CDS2: variants seen among roughly 807,000 people sequenced by gnomAD.
The protein encoded by CDS2 is phosphatidate cytidylyltransferase 2.
In CDS2, 47 loss-of-function variants were observed where a neutral mutation model predicts 59.0. The observed-to-expected ratio is 0.80, with a 90% CI of 0.63 to 1.02. CDS2 has a LOEUF of 1.02. CDS2 is among the 50% of genes least tolerant of loss of function. The pLI, the probability that CDS2 is intolerant of heterozygous loss-of-function variation, is 0.00. For synonymous variants in CDS2, 207 were observed against 206.4 expected (o/e 1.00, Z -0.02); for missense variants, 356 against 558.9 (o/e 0.64, Z 3.66).
intron 1 of CDS2, among the ~76,000 whole-genome samples, chr20:5,162,109 G>C (rs575376634): frequency 1.3e-5 from 2 of 152,298 alleles, no homozygotes; most frequent in African/African-American, 4.8e-5. Flanking sequence ...CCATGAAATA[G>C]TTTATGGATT....
At chr20:5,157,813 G>A (rs1400129441) in intron 1 of CDS2, among the ~76,000 whole-genome samples, 3 of 152,196 alleles carry the variant, frequency 2.0e-5, no homozygotes, top group South Asian at 2.1e-4. Flanking sequence ...CATTGAGATG[G>A]GGGTTAGGAT....
intron 1 of CDS2, among the ~76,000 whole-genome samples, chr20:5,139,635 T>G (rs1296946243): frequency 6.6e-6 from 1 of 152,206 alleles, no homozygotes; most frequent in Non-Finnish European, 1.5e-5. Flanking sequence ...TGTCTTCTAG[T>G]GCTTAGAGGA....
At chr20:5,175,658 C>T (rs567572777) in intron 3 of CDS2, 257 of 180,260 alleles carry the variant, frequency 1.4e-3, no homozygotes, top group South Asian at 2.9e-3. Flanking sequence ...TGGTGGCACG[C>T]GCCTGTAATC....
At position 5,189,771 on chromosome 20, in the gene CDS2, A is replaced by G. The variant is rs2091098668; in HGVS notation, c.1138A>G (p.Met380Val). The change falls in exon 12 of 13, where the codon ATG (methionine) becomes GTG (valine). Residue 380 changes from methionine to valine, a missense_variant. By Grantham distance (21) the Met-to-Val change is conservative. This residue lies in a region of CDS2 where 41 missense variants were observed against 104.4 expected (regional missense o/e 0.39). Coordinates refer to ENST00000460006, the MANE Select transcript of CDS2 (RefSeq NM_003818.4). Reference sequence around the variant, plus strand: ...TACCATTCCTGGCCATGGAGGCATCATGGATCGCTTTGACTGCCAGTATCT... The same window carrying G: ...TACCATTCCTGGCCATGGAGGCATCGTGGATCGCTTTGACTGCCAGTATCT... The part of the protein sequence containing the change: ...ANTIPGHGGI[M>V]DRFDCQYLMA... The G allele has an allele frequency of 1.9e-6, 3 of 1,614,034 alleles. No homozygotes were observed. The highest frequency in any genetic ancestry group is 1.3e-5 in the African/African-American group (1 of 74,922).
intron 1 of CDS2, among the ~76,000 whole-genome samples, chr20:5,165,737 CT>C (rs1301318990): frequency 1.3e-5 from 2 of 152,024 alleles, no homozygotes; most frequent in African/African-American, 4.8e-5. Flanking sequence ...ACAGGGGCCG[CT>C]GGGACACACA....
chr20:5,180,781 A>C (rs1348367073), intron 5 of CDS2, among the ~76,000 whole-genome samples: 2 of 152,062 alleles, frequency 1.3e-5, no homozygotes, highest in Non-Finnish European at 2.9e-5. Context: ...CATTTCCCCC[A>C]TCACTTTTAT....
intron 1 of CDS2, among the ~76,000 whole-genome samples, chr20:5,143,841 T>C (rs904716357): frequency 1.3e-5 from 2 of 151,380 alleles, no homozygotes; most frequent in South Asian, 4.2e-4. Context: ...CTTGGCTTAC[T>C]ACAACCTCTG....
chr20:5,132,523 G>C (rs1388682791), intron 1 of CDS2, among the ~76,000 whole-genome samples: 1 of 152,028 alleles, frequency 6.6e-6, no homozygotes, highest in East Asian at 1.9e-4. Flanking sequence ...GTTTTCAATA[G>C]ACTTTGAGAT....
intron 1 of CDS2, among the ~76,000 whole-genome samples, chr20:5,169,788 A>G (rs1054950166): frequency 1.3e-5 from 2 of 152,226 alleles, no homozygotes; most frequent in Non-Finnish European, 2.9e-5. Context: ...TTTAATGGGT[A>G]GCTTTTGTGT....
At chr20:5,170,915 C>CAG (rs1410299447) in intron 1 of CDS2, among the ~76,000 whole-genome samples, 2 of 152,238 alleles carry the variant, frequency 1.3e-5, no homozygotes, top group African/African-American at 4.8e-5. Context: ...AAACTACCAT[C>CAG]AGAGAGTACT....
chr20:5,136,544 T>C (rs970008528), intron 1 of CDS2, among the ~76,000 whole-genome samples: 2 of 152,222 alleles, frequency 1.3e-5, no homozygotes, highest in Admixed American at 6.5e-5. Flanking sequence ...TATCTGTCTT[T>C]TACTCTTTGA....
chr20:5,157,599 G>T (rs1286108322), intron 1 of CDS2, among the ~76,000 whole-genome samples: 1 of 152,174 alleles, frequency 6.6e-6, no homozygotes, highest in Non-Finnish European at 1.5e-5. Context: ...TTGTTTTGGG[G>T]TCTGGGAAGT....
chr20:5,131,470 A>AT (rs1308642876), intron 1 of CDS2, among the ~76,000 whole-genome samples: 2 of 152,230 alleles, frequency 1.3e-5, no homozygotes, highest in Non-Finnish European at 2.9e-5. Context: ...GGTCTGAAAG[A>AT]TTGGCATCTT....
chr20:5,144,964 C>T (rs2090727736), intron 1 of CDS2, among the ~76,000 whole-genome samples: 1 of 152,138 alleles, frequency 6.6e-6, no homozygotes, highest in South Asian at 2.1e-4. Context: ...GCCCAGTAGT[C>T]TCCTTCTTAG....
At chr20:5,135,452 G>A (rs1568527033) in intron 1 of CDS2, among the ~76,000 whole-genome samples, 2 of 149,642 alleles carry the variant, frequency 1.3e-5, no homozygotes, top group Admixed American at 6.6e-5. Context: ...ACAGCTGTTT[G>A]TGTGTCATAC....
At chr20:5,129,169 A>G (rs73602878) in intron 1 of CDS2, among the ~76,000 whole-genome samples, 70 of 152,326 alleles carry the variant, frequency 4.6e-4, no homozygotes, top group African/African-American at 1.6e-3. Flanking sequence ...GACAGCTGCT[A>G]TGCACTCTGT....
At chr20:5,157,259 G>A (rs1292197) in intron 1 of CDS2, among the ~76,000 whole-genome samples, 114,808 of 152,092 alleles carry the variant, frequency 0.75, 44,575 homozygotes, top group African/African-American at 0.94. Context: ...AGCCAGACTC[G>A]GGAAGTTTGG....
intron 9 of CDS2, 30 bp from the exon 10 acceptor site, chr20:5,186,657 C>A (rs375448008): frequency 1.2e-6 from 2 of 1,611,408 alleles, no homozygotes; most frequent in Non-Finnish European, 1.7e-6. Context: ...AACTTACTTC[C>A]TTGCCGGTCT....
At chr20:5,166,830 T>C (rs553089455) in intron 1 of CDS2, among the ~76,000 whole-genome samples, 14 of 152,216 alleles carry the variant, frequency 9.2e-5, no homozygotes, top group Middle Eastern at 3.4e-3. Context: ...AGTTGGGTTG[T>C]TGTGGTTTGA....
Sources: gnomAD v4.1 joint callset for allele counts (sites outside exome capture counted in the v4.1 genomes callset) on GRCh38, gnomAD v4.1.1 for gene constraint, gnomAD v4.1.1 regional missense constraint, MANE v1.5 for transcripts, NCBI Gene and HGNC (gene_info 2026-07-23, HGNC 2026-07-21) for gene names.